The following FHIT variants were observed in gnomAD, a reference collection of about 807,000 sequenced individuals.
FHIT encodes the protein fragile histidine triad diadenosine triphosphatase.
A neutral mutation model predicts 17.9 loss-of-function variants in FHIT; 19 were observed. The ratio of observed to expected loss-of-function variants is 1.06; its 90% CI spans 0.74 to 1.56. The LOEUF is 1.56. FHIT is among the 40% of genes most tolerant of loss of function. The probability of loss-of-function intolerance (pLI) is 0.00; values close to 1 mark genes in which losing one functional copy is unlikely to be tolerated. For missense variants in FHIT, 248 were observed against 189.2 expected, an observed-to-expected ratio of 1.31 and a Z score of -1.82; for synonymous variants, 81 against 69.7, an observed-to-expected ratio of 1.16 and a Z score of -0.81.
chr3:60,505,926 T>C (rs1324126580), intron 5 of FHIT, among the ~76,000 whole-genome samples: 3 of 152,232 alleles, frequency 2.0e-5, no homozygotes, highest in South Asian at 2.1e-4. Context: ...TTACCAAATA[T>C]GGCCTCCTCA....
chr3:60,468,454 T>G (rs1559939301), intron 5 of FHIT, among the ~76,000 whole-genome samples: 1 of 152,128 alleles, frequency 6.6e-6, no homozygotes, highest in African/African-American at 2.4e-5. Context: ...TTTTATTTTT[T>G]CTAGATCTGT....
intron 4 of FHIT, among the ~76,000 whole-genome samples, chr3:60,789,346 A>G (rs781086979): frequency 2.0e-5 from 3 of 151,960 alleles, no homozygotes; most frequent in African/African-American, 7.3e-5. Context: ...ATGAAACCCT[A>G]TCTCTACTGA....
chr3:59,995,290 G>C (rs1488654718), intron 7 of FHIT, among the ~76,000 whole-genome samples: 1 of 151,792 alleles, frequency 6.6e-6, no homozygotes, highest in African/African-American at 2.4e-5. Context: ...TAGCTCTCTT[G>C]AATCTAACTG....
intron 3 of FHIT, among the ~76,000 whole-genome samples, chr3:60,915,874 A>T (rs1171743416): frequency 6.6e-6 from 1 of 152,174 alleles, no homozygotes; most frequent in Non-Finnish European, 1.5e-5. Flanking sequence ...TTAAATAGAT[A>T]ATATACATAC....
chr3:60,906,870 T>C (rs1187329254), intron 3 of FHIT, among the ~76,000 whole-genome samples: 1 of 152,226 alleles, frequency 6.6e-6, no homozygotes, highest in Admixed American at 6.5e-5. Flanking sequence ...TAATTTACTT[T>C]AGCAGAAAGG....
At chr3:59,841,473 C>T (rs2629896) in intron 8 of FHIT, among the ~76,000 whole-genome samples, 11,417 of 152,248 alleles carry the variant, frequency 0.075, 519 homozygotes, top group Non-Finnish European at 0.11. Flanking sequence ...TGACAAGATG[C>T]TGCTGTTTCC....
intron 5 of FHIT, among the ~76,000 whole-genome samples, chr3:60,329,214 T>A (rs1709844363): frequency 6.6e-6 from 1 of 152,208 alleles, no homozygotes; most frequent in Non-Finnish European, 1.5e-5. Flanking sequence ...TCTACTTTTT[T>A]TTTTCTAATT....
intron 5 of FHIT, among the ~76,000 whole-genome samples, chr3:60,141,877 A>G (rs1700053114): frequency 1.3e-5 from 2 of 152,192 alleles, no homozygotes; most frequent in Admixed American, 1.3e-4. Flanking sequence ...TTCATAAACC[A>G]TATTCATTAA....
chr3:60,550,491 A>G (rs1452897839), intron 4 of FHIT, among the ~76,000 whole-genome samples: 1 of 152,228 alleles, frequency 6.6e-6, no homozygotes, highest in Non-Finnish European at 1.5e-5. Flanking sequence ...TTCAATTGTT[A>G]ACAAGTCAAA....
At chr3:60,154,529 C>T (rs1465277256) in intron 5 of FHIT, among the ~76,000 whole-genome samples, 1 of 152,130 alleles carries the variant, frequency 6.6e-6, no homozygotes, top group Admixed American at 6.6e-5. Context: ...AGGTATATTG[C>T]CAACAAATCC....
At chr3:60,284,106 AGAAG>A (rs1327363990) in intron 5 of FHIT, among the ~76,000 whole-genome samples, 4 of 152,074 alleles carry the variant, frequency 2.6e-5, no homozygotes, top group Non-Finnish European at 5.9e-5. Flanking sequence ...ATATTCAATA[AGAAG>A]GAAGAAGAAC....
intron 4 of FHIT, among the ~76,000 whole-genome samples, chr3:60,565,384 T>C (rs920631443): frequency 6.6e-6 from 1 of 152,148 alleles, no homozygotes; most frequent in African/African-American, 2.4e-5. Context: ...GCTGGGCTGA[T>C]CCCAAATACA....
At chr3:61,120,491 A>C (rs1290708069) in intron 2 of FHIT, among the ~76,000 whole-genome samples, 2 of 152,160 alleles carry the variant, frequency 1.3e-5, no homozygotes, top group Admixed American at 1.3e-4. Context: ...AACAAATCAG[A>C]AATCACAGGT....
chr3:60,850,681 C>T (rs1395174881), intron 3 of FHIT, among the ~76,000 whole-genome samples: 1 of 152,088 alleles, frequency 6.6e-6, no homozygotes, highest in African/African-American at 2.4e-5. Context: ...TGTCCTATGG[C>T]CAACCAGGTC....
At chr3:60,148,972 G>A (rs992228752) in intron 5 of FHIT, among the ~76,000 whole-genome samples, 4 of 152,104 alleles carry the variant, frequency 2.6e-5, no homozygotes, top group Admixed American at 6.6e-5. Context: ...GTAATCCTTT[G>A]AGCATGCCTC....
chr3:60,343,873 A>G (rs752272632), intron 5 of FHIT, among the ~76,000 whole-genome samples: 2 of 152,186 alleles, frequency 1.3e-5, no homozygotes, highest in Non-Finnish European at 2.9e-5. Flanking sequence ...CTAGAATTCC[A>G]TGAAGCATGC....
At chr3:60,365,905 A>G (rs1464800044) in intron 5 of FHIT, among the ~76,000 whole-genome samples, 1 of 152,212 alleles carries the variant, frequency 6.6e-6, no homozygotes, top group Non-Finnish European at 1.5e-5. Context: ...AGCTTGATCC[A>G]TGCAGCATGT....
chr3:61,170,063 A>G (rs2037958113), intron 2 of FHIT, among the ~76,000 whole-genome samples: 1 of 152,190 alleles, frequency 6.6e-6, no homozygotes, highest in Non-Finnish European at 1.5e-5. Context: ...AAATACAGGA[A>G]TGAGGTCTGG....
chr3:59,931,674 T>A (rs950386319), intron 7 of FHIT, among the ~76,000 whole-genome samples: 6 of 152,092 alleles, frequency 3.9e-5, no homozygotes, highest in Non-Finnish European at 7.4e-5. Flanking sequence ...TAAAAAAAAA[T>A]TCAGTTTAAA....
Sources: allele counts gnomAD v4.1 joint callset (sites outside exome capture counted in the v4.1 genomes callset), GRCh38; gene constraint gnomAD v4.1.1; transcripts MANE v1.5; gene names NCBI Gene and HGNC (gene_info 2026-07-23, HGNC 2026-07-21).